Variants in NKAIN3 observed in about 807,000 individuals in gnomAD.
NKAIN3 encodes sodium/potassium transporting ATPase interacting 3.
A neutral mutation model predicts 30.2 loss-of-function variants in NKAIN3; 25 were observed. The ratio of observed to expected loss-of-function variants is 0.83; its 90% confidence interval spans 0.60 to 1.16. The LOEUF is 1.16. NKAIN3 is among the 50% of genes most tolerant of loss of function. The pLI is 0.00. For missense variants in NKAIN3, 225 were observed against 254.1 expected (o/e 0.89, Z 0.78); for synonymous variants, 91 against 89.6 (o/e 1.02, Z -0.09).
At chr8:62,504,410 T>C (rs1807568836) in intron 1 of NKAIN3, among the ~76,000 whole-genome samples, 1 of 152,198 alleles carries the variant, frequency 6.6e-6, no homozygotes. Context: ...CCAATGACTC[T>C]TCCACCTATT....
chr8:62,400,360 T>C (rs376354218), intron 1 of NKAIN3, among the ~76,000 whole-genome samples: 194 of 152,002 alleles, frequency 1.3e-3, no homozygotes, highest in African/African-American at 4.6e-3. Context: ...TTAGTAGAGA[T>C]GGGGTTTCTC....
chr8:62,435,565 TA>T (rs1805145341), intron 1 of NKAIN3, among the ~76,000 whole-genome samples: 1 of 152,154 alleles, frequency 6.6e-6, no homozygotes, highest in Admixed American at 6.6e-5. Context: ...GAGTTGTTGC[TA>T]AAAAATCACT....
At chr8:62,454,320 A>G (rs1400756235) in intron 1 of NKAIN3, among the ~76,000 whole-genome samples, 3 of 149,922 alleles carry the variant, frequency 2.0e-5, no homozygotes, top group Non-Finnish European at 3.0e-5. Context: ...AAAAAAAAAA[A>G]AAATCTGAAA....
intron 4 of NKAIN3, among the ~76,000 whole-genome samples, chr8:62,792,601 C>T (rs1439962742): frequency 2.0e-5 from 3 of 152,220 alleles, no homozygotes; most frequent in African/African-American, 7.2e-5. Context: ...GACAGACCTT[C>T]AACAGGTAAT....
At chr8:62,962,052 C>T (rs541771234) in intron 6 of NKAIN3, among the ~76,000 whole-genome samples, 5 of 152,178 alleles carry the variant, frequency 3.3e-5, no homozygotes, top group African/African-American at 1.2e-4. Context: ...GGAATCACTC[C>T]AACAAATAGT....
intron 1 of NKAIN3, among the ~76,000 whole-genome samples, chr8:62,317,633 A>G (rs1814688217): frequency 6.6e-6 from 1 of 152,120 alleles, no homozygotes; most frequent in Non-Finnish European, 1.5e-5. Context: ...CCATTCATCT[A>G]TATCTCTGTT....
At chr8:62,357,079 G>T (rs969108195) in intron 1 of NKAIN3, among the ~76,000 whole-genome samples, 16 of 152,194 alleles carry the variant, frequency 1.1e-4, no homozygotes, top group Middle Eastern at 3.4e-3. Context: ...TCCAGCCTGG[G>T]CAACAGAGTG....
intron 4 of NKAIN3, among the ~76,000 whole-genome samples, chr8:62,762,995 G>T (rs1223890867): frequency 6.6e-6 from 1 of 151,920 alleles, no homozygotes; most frequent in Non-Finnish European, 1.5e-5. Context: ...GGCCAAGGCA[G>T]GCAGATCACG....
At chr8:62,868,912 T>G (rs531030198) in intron 4 of NKAIN3, among the ~76,000 whole-genome samples, 1 of 152,222 alleles carries the variant, frequency 6.6e-6, no homozygotes, top group African/African-American at 2.4e-5. Flanking sequence ...TTTCTCACTG[T>G]TGCTCACAGC....
chr8:62,419,275 A>G (rs1205298801), intron 1 of NKAIN3, among the ~76,000 whole-genome samples: 1 of 152,190 alleles, frequency 6.6e-6, no homozygotes, highest in African/African-American at 2.4e-5. Context: ...CCTGAATTCC[A>G]TGTACATGTA....
At chr8:62,387,349 C>CAAA (rs5891851) in intron 1 of NKAIN3, among the ~76,000 whole-genome samples, 10 of 142,458 alleles carry the variant, frequency 7.0e-5, no homozygotes, top group Middle Eastern at 3.6e-3. Flanking sequence ...AAAAATGTAG[C>CAAA]AAAAAAAAAA....
intron 4 of NKAIN3, chr8:62,856,218 T>G: frequency 1.2e-6 from 1 of 828,540 alleles, no homozygotes. Context: ...TGGGTCTTGG[T>G]TTTCACTGGT....
intron 4 of NKAIN3, among the ~76,000 whole-genome samples, chr8:62,764,539 A>G (rs909141729): frequency 2.0e-5 from 3 of 151,688 alleles, no homozygotes; most frequent in African/African-American, 4.9e-5. Flanking sequence ...GATTATAGTC[A>G]CTCCAGCCTT....
chr8:62,810,931 C>T (rs563792401), intron 4 of NKAIN3, among the ~76,000 whole-genome samples: 15 of 152,078 alleles, frequency 9.9e-5, no homozygotes, highest in Admixed American at 2.6e-4. Context: ...TATATCTTGC[C>T]GAACTATAGT....
intron 1 of NKAIN3, among the ~76,000 whole-genome samples, chr8:62,251,894 A>C (rs1377658194): frequency 6.6e-6 from 1 of 152,218 alleles, no homozygotes; most frequent in Non-Finnish European, 1.5e-5. Flanking sequence ...AAAACACAGC[A>C]AAATAATTAG....
intron 4 of NKAIN3, among the ~76,000 whole-genome samples, chr8:62,827,398 T>C (rs1007598): frequency 2.6e-5 from 4 of 152,238 alleles, no homozygotes; most frequent in Non-Finnish European, 5.9e-5. Flanking sequence ...AACCGAGCAG[T>C]GTTACCTTGA....
chr8:62,340,098 G>A (rs1029690453), intron 1 of NKAIN3, among the ~76,000 whole-genome samples: 3 of 152,032 alleles, frequency 2.0e-5, no homozygotes, highest in Admixed American at 1.3e-4. Context: ...AAAGTTTTAT[G>A]TTACATAGAA....
chr8:62,936,503 T>C (rs1426007938), intron 5 of NKAIN3, among the ~76,000 whole-genome samples: 1 of 152,080 alleles, frequency 6.6e-6, no homozygotes, highest in Non-Finnish European at 1.5e-5. Flanking sequence ...CTCAGAACCA[T>C]ATACAGAAGG....
At chr8:62,614,071 T>A (rs917639169) in intron 3 of NKAIN3, among the ~76,000 whole-genome samples, 2 of 152,164 alleles carry the variant, frequency 1.3e-5, no homozygotes, top group Non-Finnish European at 2.9e-5. Context: ...ATGGTGTTGA[T>A]GCTAGTAGAT....
Sources: gnomAD v4.1 joint callset for allele counts (sites outside exome capture counted in the v4.1 genomes callset) on GRCh38, gnomAD v4.1.1 for gene constraint, MANE v1.5 for transcripts, NCBI Gene and HGNC (gene_info 2026-07-23, HGNC 2026-07-21) for gene names.